The following ANGPT1 variants were observed in gnomAD, a reference collection of about 807,000 sequenced individuals.
ANGPT1 encodes the protein angiopoietin 1, also known as angiopoietin-1.
ANGPT1 carries 17 observed loss-of-function variants against 62.2 expected under a neutral mutation model. The ratio of observed to expected loss-of-function variants is 0.27; its 90% CI spans 0.19 to 0.41. ANGPT1 has a LOEUF of 0.41. Ranked by LOEUF, ANGPT1 falls within the 10% of genes least tolerant of loss-of-function variation. ANGPT1 has a pLI of 1.00. For missense variants in ANGPT1, 478 were observed against 594.9 expected (o/e 0.80, Z 2.04); for synonymous variants, 199 against 198.9 (o/e 1.00, Z 0.00).
At chr8:107,415,126 T>C (rs559240210) in intron 1 of ANGPT1, among the ~76,000 whole-genome samples, 11 of 152,296 alleles carry the variant, frequency 7.2e-5, no homozygotes, top group Non-Finnish European at 1.0e-4. Context: ...TTTAAAGATA[T>C]CTTGTAAAAA....
chr8:107,259,467 A>G (rs891107848), intron 8 of ANGPT1, among the ~76,000 whole-genome samples: 1 of 152,172 alleles, frequency 6.6e-6, no homozygotes, highest in Non-Finnish European at 1.5e-5. Flanking sequence ...TGAACTGAAA[A>G]ATATCCTTCG....
chr8:107,315,083 C>T (rs550035341), intron 4 of ANGPT1, among the ~76,000 whole-genome samples: 1 of 152,278 alleles, frequency 6.6e-6, no homozygotes, highest in East Asian at 1.9e-4. Context: ...TCATTTCCCC[C>T]TTTAAGAAGA....
intron 1 of ANGPT1, among the ~76,000 whole-genome samples, chr8:107,486,703 G>A (rs576843921): frequency 1.3e-5 from 2 of 152,206 alleles, no homozygotes; most frequent in Admixed American, 1.3e-4. Context: ...GCTTGCCCAA[G>A]GTTACACAGC....
At position 107,394,562 on chromosome 8, in the gene ANGPT1, A is replaced by G. The variant is rs146659513; in HGVS notation, c.298-47465T>C. Among the ~76,000 whole-genome samples the G allele has an allele frequency of 7.6e-4, 116 of 152,274 alleles. 1 individual carries two copies. The East Asian group carries it at 0.02, about 27-fold the overall frequency. Reference sequence around the variant, plus strand: ...GGGGGGAGGGAAGGAGACTAAGCTTAAGAGATATCATGACAAAGCGCCTGC... The same window carrying G: ...GGGGGGAGGGAAGGAGACTAAGCTTGAGAGATATCATGACAAAGCGCCTGC... On this transcript the variant is annotated intron_variant, in intron 1 of 8. Coordinates refer to ENST00000517746, the MANE Select transcript of ANGPT1 (RefSeq NM_001146.5).
At chr8:107,411,270 T>G (rs1276648142) in intron 1 of ANGPT1, among the ~76,000 whole-genome samples, 1 of 152,204 alleles carries the variant, frequency 6.6e-6, no homozygotes, top group African/African-American at 2.4e-5. Flanking sequence ...TGACTCCAAA[T>G]TATTTCAGCT....
intron 1 of ANGPT1, among the ~76,000 whole-genome samples, chr8:107,370,060 A>G (rs1232763742): frequency 5.3e-5 from 8 of 151,184 alleles, no homozygotes; most frequent in Admixed American, 2.0e-4. Flanking sequence ...TGATTGAGCC[A>G]TGGGAAAGTC....
At chr8:107,286,812 A>T (rs981147604) in intron 6 of ANGPT1, among the ~76,000 whole-genome samples, 1 of 152,126 alleles carries the variant, frequency 6.6e-6, no homozygotes, top group Non-Finnish European at 1.5e-5. Flanking sequence ...CACTTTGTAA[A>T]AGTTTCACAG....
chr8:107,376,114 A>G (rs1165059032), intron 1 of ANGPT1, among the ~76,000 whole-genome samples: 2 of 152,184 alleles, frequency 1.3e-5, no homozygotes, highest in Non-Finnish European at 2.9e-5. Flanking sequence ...TCTCTAAACT[A>G]TCATGTCATG....
At chr8:107,419,422 T>C (rs1231561335) in intron 1 of ANGPT1, among the ~76,000 whole-genome samples, 1 of 152,098 alleles carries the variant, frequency 6.6e-6, no homozygotes, top group Non-Finnish European at 1.5e-5. Flanking sequence ...CATAAACAGG[T>C]TTTGCTAGGT....
intron 1 of ANGPT1, among the ~76,000 whole-genome samples, chr8:107,477,219 C>T (rs1487324876): frequency 1.3e-5 from 2 of 152,238 alleles, no homozygotes; most frequent in African/African-American, 4.8e-5. Context: ...AGTCATATGT[C>T]CATTCACCTC....
At chr8:107,419,285 G>T (rs72674305) in intron 1 of ANGPT1, among the ~76,000 whole-genome samples, 21,269 of 152,070 alleles carry the variant, frequency 0.14, 1,685 homozygotes, top group Non-Finnish European at 0.19. Flanking sequence ...GGCTTTAAAA[G>T]AATTCTCTCT....
At chr8:107,421,652 C>A (rs1183968047) in intron 1 of ANGPT1, among the ~76,000 whole-genome samples, 1 of 152,126 alleles carries the variant, frequency 6.6e-6, no homozygotes, top group East Asian at 1.9e-4. Context: ...GAAAGCAAAG[C>A]CGCTCTTTGA....
intron 1 of ANGPT1, among the ~76,000 whole-genome samples, chr8:107,349,952 A>T (rs1054574369): frequency 5.3e-5 from 8 of 152,132 alleles, no homozygotes; most frequent in Non-Finnish European, 8.8e-5. Flanking sequence ...GAATCAGTGC[A>T]TCTCAAAGTG....
chr8:107,438,220 A>T (rs554357089), intron 1 of ANGPT1, among the ~76,000 whole-genome samples: 2 of 152,158 alleles, frequency 1.3e-5, no homozygotes, highest in Non-Finnish European at 2.9e-5. Context: ...TACCTTTAGC[A>T]TTATGATTAT....
At chr8:107,297,789 A>G (rs190161483) in intron 5 of ANGPT1, among the ~76,000 whole-genome samples, 17 of 151,298 alleles carry the variant, frequency 1.1e-4, no homozygotes, top group South Asian at 2.1e-4. Flanking sequence ...ACGCATACAT[A>G]TATCTATATT....
chr8:107,449,116 G>A (rs865933341), intron 1 of ANGPT1, among the ~76,000 whole-genome samples: 6 of 151,994 alleles, frequency 3.9e-5, no homozygotes, highest in Admixed American at 1.3e-4. Context: ...TTTCTCAATA[G>A]CAGGGGAAGT....
intron 1 of ANGPT1, among the ~76,000 whole-genome samples, chr8:107,479,723 TG>T (rs1812626555): frequency 6.6e-6 from 1 of 151,928 alleles, no homozygotes; most frequent in African/African-American, 2.4e-5. Flanking sequence ...GAGATTTTTA[TG>T]ATTTTTAATG....
intron 8 of ANGPT1, among the ~76,000 whole-genome samples, chr8:107,252,751 G>C (rs1228244513): frequency 6.6e-6 from 1 of 152,154 alleles, no homozygotes; most frequent in Non-Finnish European, 1.5e-5. Context: ...TGCTTGTATA[G>C]CTCTCTATAA....
chr8:107,330,341 G>A (rs1040473552), intron 3 of ANGPT1, among the ~76,000 whole-genome samples: 5 of 152,118 alleles, frequency 3.3e-5, no homozygotes, highest in Non-Finnish European at 7.4e-5. Flanking sequence ...TGACTTAGTC[G>A]ATTATCCCAG....
Sources: gnomAD v4.1 joint callset for allele counts (sites outside exome capture counted in the v4.1 genomes callset) on GRCh38, gnomAD v4.1.1 for gene constraint, MANE v1.5 for transcripts, NCBI Gene and HGNC (gene_info 2026-07-23, HGNC 2026-07-21) for gene names.